LMTK2: variants seen among roughly 807,000 people sequenced by gnomAD.
LMTK2 encodes serine/threonine-protein kinase LMTK2.
A neutral mutation model predicts 127.5 loss-of-function variants in LMTK2; 37 were observed. That is an observed-to-expected ratio of 0.29 (90% CI 0.22 to 0.38). The LOEUF is 0.38. LMTK2 is among the 10% of genes least tolerant of loss of function. LMTK2 has a pLI of 1.00. For synonymous variants in LMTK2, 819 were observed against 810.1 expected, an observed-to-expected ratio of 1.01 and a Z score of -0.19; for missense variants, 1,694 against 1,920.3, an observed-to-expected ratio of 0.88 and a Z score of 2.20.
rs953146220 is a variant in LMTK2, at chr7:98,126,321, C to T, written c.104-10994C>T. ...CAAAACAGAATATCCTTCCCCTAGACGTTGGTGGTCCACTGCAGGGATGGT... is the reference window on the plus strand; with the variant it reads ...CAAAACAGAATATCCTTCCCCTAGATGTTGGTGGTCCACTGCAGGGATGGT... On this transcript the variant is annotated intron_variant, in intron 1 of 13. Coordinates refer to ENST00000297293, the MANE Select transcript of LMTK2 (RefSeq NM_014916.4). Among the ~76,000 whole-genome samples, 13 of 152,272 alleles carry T rather than the reference C, an allele frequency of 8.5e-5. No homozygotes were observed. In the East Asian group the frequency reaches 1.3e-3, roughly 16 times the overall value.
In LMTK2 at chr7:98,193,443, C is replaced by G; in HGVS notation, c.2978C>G (p.Ser993Cys). The G allele has an allele frequency of 6.2e-7, 1 of 1,614,162 alleles. No individual in the cohort carries two copies. The change falls in exon 11 of 14, where the codon TCC (serine) becomes TGC (cysteine). Residue 993 changes from serine to cysteine, a missense_variant. Around this residue, in one of 8 missense-constraint regions of LMTK2, gnomAD observed 527 missense variants for 539.8 expected, o/e 0.98. Transcript: ENST00000297293. This position sits in a 1 kb window ranked among gnomAD's most constrained non-coding sequence, Gnocchi z 4.1. Reference sequence around the variant, plus strand: ...GCACCCTTCCCAGCCTCTGAGCCGTCCCTGGAAACCCCGGACTCTCTGGAG... The same window carrying G: ...GCACCCTTCCCAGCCTCTGAGCCGTGCCTGGAAACCCCGGACTCTCTGGAG... ...LSAPFPASEP[S>C]LETPDSLESV...
At chr7:98,159,966 T>TTA (rs1330791741) in intron 6 of LMTK2, among the ~76,000 whole-genome samples, 1 of 152,238 alleles carries the variant, frequency 6.6e-6, no homozygotes, top group Admixed American at 6.5e-5. Flanking sequence ...CATGATAATA[T>TTA]TATTTATTGG....
At chr7:98,137,914 C>G (rs1252568997) in intron 2 of LMTK2, among the ~76,000 whole-genome samples, 1 of 152,190 alleles carries the variant, frequency 6.6e-6, no homozygotes, top group Non-Finnish European at 1.5e-5. Flanking sequence ...TTTGTGGTCA[C>G]TGAGATTACT....
chr7:98,120,340 G>T (rs577261665), intron 1 of LMTK2, among the ~76,000 whole-genome samples: 4 of 152,260 alleles, frequency 2.6e-5, no homozygotes, highest in Non-Finnish European at 5.9e-5. Flanking sequence ...TTGCTAGACT[G>T]AGGAAGGGAC....
At chr7:98,191,192 C>T (rs1351354029) in intron 10 of LMTK2, among the ~76,000 whole-genome samples, 1 of 152,176 alleles carries the variant, frequency 6.6e-6, no homozygotes, top group Admixed American at 6.5e-5. Flanking sequence ...AAGTGATCCT[C>T]CCACTTCAGC....
Position 98,194,703 on chromosome 7 carries a change from A to T in LMTK2, c.4107+131A>T, listed in dbSNP as rs1245114639. ...CAGATTGTGATTACTCACAAAAAGT[A>T]ATTTGGGGTTGGTTAGAGTTCTAAG... is the stretch of plus-strand genomic sequence containing the variant. On this transcript the variant is annotated intron_variant, in intron 11 of 13. Transcript: ENST00000297293. This position sits in a 1 kb window ranked among gnomAD's most constrained non-coding sequence, Gnocchi z 5.4. 1.2e-6 allele frequency: 1 copy of T among 800,768 alleles called. No individual in the cohort carries two copies. Among genetic ancestry groups the T allele is most frequent in the Non-Finnish European group, 1.9e-6 (1 of 520,012 alleles). 49.6% of individuals were successfully genotyped at this position (800,768 alleles called of 1,614,324 possible). A position where few individuals can be genotyped will look rare whatever the true frequency, so the allele number is the denominator to read the frequency against.
At chr7:98,186,277 G>A (rs1797432173) in intron 8 of LMTK2, among the ~76,000 whole-genome samples, 1 of 152,056 alleles carries the variant, frequency 6.6e-6, no homozygotes, top group Non-Finnish European at 1.5e-5. Context: ...TGGCCAGGCT[G>A]GTCTCGAACT....
intron 1 of LMTK2, among the ~76,000 whole-genome samples, chr7:98,123,955 C>T (rs1308551590): frequency 6.6e-6 from 1 of 151,992 alleles, no homozygotes; most frequent in Non-Finnish European, 1.5e-5. Flanking sequence ...TTTTAAATAG[C>T]CTCTTTCCTC....
chr7:98,154,906 G>C (rs1434777047), intron 5 of LMTK2, 30 bp downstream of exon 5: 1 of 1,284,764 alleles, frequency 7.8e-7, no homozygotes, highest in Non-Finnish European at 1.1e-6. Flanking sequence ...TGTTCTGTAA[G>C]ACTAGTCTGT....
chr7:98,139,536 T>C (rs901372227), intron 2 of LMTK2, among the ~76,000 whole-genome samples: 8 of 152,204 alleles, frequency 5.3e-5, no homozygotes, highest in African/African-American at 1.9e-4. Context: ...GTAGGAGTGA[T>C]GGACAAAATC....
At chr7:98,107,586 C>T (rs1400421447) in intron 1 of LMTK2, among the ~76,000 whole-genome samples, 1 of 152,214 alleles carries the variant, frequency 6.6e-6, no homozygotes. Flanking sequence ...ATATCGCTTC[C>T]TGGCAGTTCA....
intron 7 of LMTK2, among the ~76,000 whole-genome samples, chr7:98,177,573 C>T (rs1318600036): frequency 6.6e-6 from 1 of 152,206 alleles, no homozygotes; most frequent in African/African-American, 2.4e-5. Flanking sequence ...GATCATGGCT[C>T]ACTTGCTTGG....
intron 6 of LMTK2, among the ~76,000 whole-genome samples, chr7:98,160,830 A>G (rs559006228): frequency 1.3e-3 from 203 of 152,318 alleles, no homozygotes; most frequent in Non-Finnish European, 9.3e-4. Context: ...TCAACCTTCT[A>G]TCATTATGAA....
At chr7:98,125,498 A>G (rs1796431689) in intron 1 of LMTK2, among the ~76,000 whole-genome samples, 1 of 152,160 alleles carries the variant, frequency 6.6e-6, no homozygotes, top group Non-Finnish European at 1.5e-5. Context: ...TGTTGAATGA[A>G]TGAATGTGTT....
intron 5 of LMTK2, among the ~76,000 whole-genome samples, chr7:98,155,262 G>A (rs929632940): frequency 6.6e-6 from 1 of 152,148 alleles, no homozygotes. Context: ...AGAAATACAG[G>A]AACTCATCAT....
At chr7:98,123,304 C>T (rs1467173920) in intron 1 of LMTK2, among the ~76,000 whole-genome samples, 1 of 152,224 alleles carries the variant, frequency 6.6e-6, no homozygotes, top group Non-Finnish European at 1.5e-5. Context: ...ATTAAATCAG[C>T]ATTCATTATT....
chr7:98,141,347 AT>A (rs763224839), intron 2 of LMTK2, 49 bp from the exon 3 acceptor site: 2 of 1,552,302 alleles, frequency 1.3e-6, no homozygotes, highest in Non-Finnish European at 1.8e-6. Context: ...ATATGTTCCT[AT>A]TTTAAATGTT....
intron 2 of LMTK2, among the ~76,000 whole-genome samples, chr7:98,140,056 G>A (rs1044404511): frequency 4.6e-5 from 7 of 151,796 alleles, no homozygotes; most frequent in African/African-American, 7.3e-5. Context: ...CCCACCGAAC[G>A]TCACGTAAAA....
intron 9 of LMTK2, among the ~76,000 whole-genome samples, chr7:98,189,910 TGGGTCTCACAGAGA>T (rs1401863222): frequency 6.6e-6 from 1 of 152,088 alleles, no homozygotes; most frequent in Non-Finnish European, 1.5e-5. Context: ...ACCAAACTTG[TGGGTCTCACAGAGA>T]GGATATCGTC....
Sources: allele counts gnomAD v4.1 joint callset (sites outside exome capture counted in the v4.1 genomes callset), GRCh38; gene constraint gnomAD v4.1.1; regional missense constraint gnomAD v4.1.1; non-coding constraint Gnocchi (gnomAD v3.1); transcripts MANE v1.5; gene names NCBI Gene and HGNC (gene_info 2026-07-23, HGNC 2026-07-21).